The following TMA7B variants were observed in gnomAD, a reference collection of about 807,000 sequenced individuals.
TMA7B encodes translation machinery-associated protein 7B.
the TMA7B span, among the ~76,000 whole-genome samples, chr22:39,961,336 C>T: frequency 6.6e-6 from 1 of 152,148 alleles, no homozygotes; most frequent in Non-Finnish European, 1.5e-5. Context: ...CAAAGGAAGA[C>T]TTTGCTTCCA....
chr22:39,964,434 GGA>G, the TMA7B span: 13 of 878,702 alleles, frequency 1.5e-5, no homozygotes, highest in South Asian at 1.8e-4. Context: ...AGCAGGCCAA[GGA>G]GATGGACGAG....
the TMA7B span, among the ~76,000 whole-genome samples, chr22:39,961,779 C>T: frequency 3.3e-5 from 5 of 152,258 alleles, no homozygotes; most frequent in East Asian, 7.7e-4. Flanking sequence ...CAGGAAATAC[C>T]GATCTGGTTT....
chr22:39,961,155 T>G, the TMA7B span, among the ~76,000 whole-genome samples: 1 of 152,240 alleles, frequency 6.6e-6, no homozygotes, highest in East Asian at 1.9e-4. Context: ...GGTCTTACTG[T>G]GTTGCCTGGG....
At chr22:39,960,412 C>T in the TMA7B span, 2 of 467,022 alleles carry the variant, frequency 4.3e-6, no homozygotes, top group South Asian at 3.3e-5. Context: ...ATCTGCCTCC[C>T]CTTCTAGCCC....
the TMA7B span, among the ~76,000 whole-genome samples, chr22:39,963,023 C>T: frequency 6.6e-6 from 1 of 152,106 alleles, no homozygotes; most frequent in Non-Finnish European, 1.5e-5. Flanking sequence ...AAACAGTAGG[C>T]CTTGACTTCT....
chr22:39,961,632 C>T, the TMA7B span, among the ~76,000 whole-genome samples: 2 of 152,172 alleles, frequency 1.3e-5, no homozygotes, highest in African/African-American at 4.8e-5. Context: ...AAGCCCAGTT[C>T]GGAACACACT....
the TMA7B span, chr22:39,964,304 G>T: frequency 4.6e-5 from 31 of 674,686 alleles, no homozygotes; most frequent in African/African-American, 4.7e-4. Context: ...GTCCAGACTG[G>T]CAACAAAAGG....
the TMA7B span, among the ~76,000 whole-genome samples, chr22:39,963,377 A>G: frequency 6.6e-6 from 1 of 152,170 alleles, no homozygotes; most frequent in Admixed American, 6.5e-5. Flanking sequence ...ACAGCTTATG[A>G]GAGTAAAAGG....
At chr22:39,964,313 G>A in the TMA7B span, 491 of 681,842 alleles carry the variant, frequency 7.2e-4, 9 homozygotes, top group South Asian at 7.3e-3. Context: ...GGCAACAAAA[G>A]GTGCTGATCT....
At chr22:39,964,365 G>A in the TMA7B span, 6 of 720,302 alleles carry the variant, frequency 8.3e-6, no homozygotes, top group South Asian at 1.5e-5. Flanking sequence ...GGGAAGGGGC[G>A]GCAGGCGCCA....
chr22:39,964,502 TA>T, the TMA7B span: 1 of 1,038,976 alleles, frequency 9.6e-7, no homozygotes, highest in Non-Finnish European at 1.5e-6. Flanking sequence ...CTCGAGGTGC[TA>T]AAAGCGAAGG....
chr22:39,962,216 G>T, the TMA7B span, among the ~76,000 whole-genome samples: 1 of 152,166 alleles, frequency 6.6e-6, no homozygotes. Flanking sequence ...TTAAGCCAAG[G>T]AGTTGGAGAC....
At chr22:39,964,461 C>T in the TMA7B span, 43 of 1,012,948 alleles carry the variant, frequency 4.2e-5, no homozygotes, top group African/African-American at 4.9e-4. Flanking sequence ...AGAAGGCTTT[C>T]AAGCAGAAAC....
the TMA7B span, among the ~76,000 whole-genome samples, chr22:39,963,527 C>T: frequency 6.6e-6 from 1 of 152,174 alleles, no homozygotes; most frequent in East Asian, 1.9e-4. Flanking sequence ...AAGAAAGTAT[C>T]TGTTGGTGGC....
At chr22:39,963,533 G>A in the TMA7B span, among the ~76,000 whole-genome samples, 1 of 152,154 alleles carries the variant, frequency 6.6e-6, no homozygotes, top group Non-Finnish European at 1.5e-5. Flanking sequence ...GTATCTGTTG[G>A]TGGCCAAAAC....
chr22:39,961,423 C>G, the TMA7B span, among the ~76,000 whole-genome samples: 1 of 152,150 alleles, frequency 6.6e-6, no homozygotes, highest in Admixed American at 6.5e-5. Flanking sequence ...TTCTGAGCCC[C>G]AACAAATACA....
the TMA7B span, chr22:39,964,516 G>C: frequency 1.1e-6 from 1 of 947,428 alleles, no homozygotes; most frequent in South Asian, 1.3e-5. Context: ...AGCGAAGGTC[G>C]TGGGGAAGGG....
At chr22:39,964,553 AATCT>A in the TMA7B span, 1 of 835,090 alleles carries the variant, frequency 1.2e-6, no homozygotes, top group Non-Finnish European at 2.1e-6. Context: ...GGAATTAAGA[AATCT>A]GGCAAAAAAT....
chr22:39,964,751 C>T, the TMA7B span: 130 of 484,826 alleles, frequency 2.7e-4, 1 homozygote, highest in South Asian at 4.2e-3. Flanking sequence ...AGTGGCTCAT[C>T]ATCTCTTTAG....
Sources: gnomAD v4.1 joint callset for allele counts (sites outside exome capture counted in the v4.1 genomes callset) on GRCh38, gnomAD v4.1.1 for gene constraint, MANE v1.5 for transcripts, NCBI Gene and HGNC (gene_info 2026-07-23, HGNC 2026-07-21) for gene names.